Variants in LARP4B observed in about 807,000 individuals in gnomAD.
The protein encoded by LARP4B is la-related protein 4B.
In LARP4B, 12 loss-of-function variants were observed where a neutral mutation model predicts 89.8. The ratio of observed to expected loss-of-function variants is 0.13; its 90% CI spans 0.09 to 0.22. The LOEUF (loss-of-function observed/expected upper bound fraction) is 0.22, where lower values mean the gene tolerates loss of function less well. LARP4B is among the 10% of genes least tolerant of loss of function. The pLI is 1.00. For synonymous variants in LARP4B, 367 were observed against 363.3 expected, an observed-to-expected ratio of 1.01 and a Z score of -0.12; for missense variants, 757 against 947.7, an observed-to-expected ratio of 0.80 and a Z score of 2.64.
the LARP4B span, among the ~76,000 whole-genome samples, chr10:978,064 T>G: frequency 4.6e-5 from 7 of 152,190 alleles, no homozygotes; most frequent in African/African-American, 1.7e-4. Flanking sequence ...AGGCCACACA[T>G]TCAGGAGCCA....
chr10:962,147 T>C, the LARP4B span, among the ~76,000 whole-genome samples: 1 of 151,618 alleles, frequency 6.6e-6, no homozygotes, highest in African/African-American at 2.4e-5. Flanking sequence ...ACAAAAAAAA[T>C]TAGCCAGGTG....
At chr10:880,589 G>GCCAA (rs1344841484) in intron 3 of LARP4B, among the ~76,000 whole-genome samples, 1 of 152,146 alleles carries the variant, frequency 6.6e-6, no homozygotes, top group Non-Finnish European at 1.5e-5. Context: ...AGAAGGCTGA[G>GCCAA]GCACAAGAAT....
rs1832781467 is a variant in LARP4B, at chr10:829,367, A to G, written c.1125+18T>C. ...CATAGTGTCTACAACATAAATTCCTAGTAAAGAAATGACGTACCAAGGGTG... is the reference window on the plus strand; with the variant it reads ...CATAGTGTCTACAACATAAATTCCTGGTAAAGAAATGACGTACCAAGGGTG... On this transcript the variant is annotated intron_variant, in intron 11 of 17. Transcript: ENST00000316157. 6.4e-7 allele frequency: 1 copy of G among 1,561,734 alleles called. No individual in the cohort carries two copies. The highest frequency in any genetic ancestry group is 8.7e-7 in the Non-Finnish European group (1 of 1,152,240).
chr10:983,234 C>G, the LARP4B span, among the ~76,000 whole-genome samples: 1 of 152,214 alleles, frequency 6.6e-6, no homozygotes, highest in African/African-American at 2.4e-5. Context: ...AACTCACTGT[C>G]CAGAAATAGG....
At chr10:931,297 C>G (rs1830597765) in intron 1 of LARP4B, 131 bp downstream of exon 1, 1 of 152,574 alleles carries the variant, frequency 6.6e-6, no homozygotes. Flanking sequence ...CCGGCCCCGG[C>G]CCCGGCCCAG....
chr10:920,278 G>A (rs1836944046), intron 1 of LARP4B, among the ~76,000 whole-genome samples: 1 of 152,100 alleles, frequency 6.6e-6, no homozygotes, highest in Non-Finnish European at 1.5e-5. Context: ...TTTACCTCAT[G>A]GGCTTCAGTT....
upstream of LARP4B, among the ~76,000 whole-genome samples, chr10:931,880 C>T (rs1830631238): frequency 6.6e-6 from 1 of 151,314 alleles, no homozygotes; most frequent in African/African-American, 2.4e-5. Flanking sequence ...GCCCCGCCGC[C>T]TTCTTGGCCT....
At chr10:845,119 T>A in intron 5 of LARP4B, 64 bp from the exon 6 acceptor site, 1 of 1,192,196 alleles carries the variant, frequency 8.4e-7, no homozygotes, top group Non-Finnish European at 1.2e-6. Flanking sequence ...GATAATTCAG[T>A]ACAGCAGTTC....
At chr10:976,951 G>A in the LARP4B span, among the ~76,000 whole-genome samples, 1 of 152,118 alleles carries the variant, frequency 6.6e-6, no homozygotes, top group African/African-American at 2.4e-5. Context: ...TAGAAGGTAG[G>A]CCTGTTGTGT....
Position 883,395 on chromosome 10 carries a change from C to T in LARP4B, c.141+1052G>A, listed in dbSNP as rs1450435567. 2.0e-5 allele frequency among the ~76,000 whole-genome samples: 3 copies of T among 152,140 alleles called. No individual in the cohort carries two copies. The East Asian group carries it at 5.8e-4, about 29-fold the overall frequency. ...GTGTGATGGCGCATGCCTGTAATCC[C>T]AGCTACTCGGGAGGCTGAGGCAGGA... On this transcript the variant is annotated intron_variant, in intron 3 of 17. Coordinates refer to ENST00000316157, the MANE Select transcript of LARP4B (RefSeq NM_015155.3).
the LARP4B span, among the ~76,000 whole-genome samples, chr10:975,825 G>A: frequency 1.2e-3 from 186 of 149,496 alleles, no homozygotes; most frequent in Non-Finnish European, 2.2e-3. Context: ...TAAGCCTCTC[G>A]CGCAACGTGT....
chr10:846,600 G>C (rs552694297), intron 5 of LARP4B, among the ~76,000 whole-genome samples: 2 of 152,346 alleles, frequency 1.3e-5, no homozygotes, highest in African/African-American at 4.8e-5. Context: ...AGGCCGGTGT[G>C]TGTGAGTGAG....
intron 7 of LARP4B, among the ~76,000 whole-genome samples, chr10:840,453 T>C (rs1833469014): frequency 6.6e-6 from 1 of 152,154 alleles, no homozygotes; most frequent in South Asian, 2.1e-4. Flanking sequence ...TTGCACAAAT[T>C]TGGAAATACG....
At chr10:886,346 GCA>G (rs1835857219) in intron 1 of LARP4B, among the ~76,000 whole-genome samples, 2 of 152,190 alleles carry the variant, frequency 1.3e-5, no homozygotes, top group African/African-American at 4.8e-5. Context: ...CAGAACCTTT[GCA>G]CACTGTTGGT....
chr10:941,179 C>A, the LARP4B span, among the ~76,000 whole-genome samples: 3 of 152,336 alleles, frequency 2.0e-5, no homozygotes, highest in African/African-American at 7.2e-5. Flanking sequence ...CCTGTGGGTG[C>A]TGGGGACTCA....
At chr10:911,043 A>G (rs1836651590) in intron 1 of LARP4B, among the ~76,000 whole-genome samples, 1 of 152,220 alleles carries the variant, frequency 6.6e-6, no homozygotes, top group Non-Finnish European at 1.5e-5. Flanking sequence ...CAATCTGAGC[A>G]GTCTTTGTGG....
chr10:847,399 G>C (rs1199572198), intron 5 of LARP4B, among the ~76,000 whole-genome samples: 1 of 151,980 alleles, frequency 6.6e-6, no homozygotes, highest in Non-Finnish European at 1.5e-5. Context: ...GAGTCACAGG[G>C]GCTAGGTTAA....
At chr10:909,048 A>C (rs1836582348) in intron 1 of LARP4B, among the ~76,000 whole-genome samples, 1 of 152,122 alleles carries the variant, frequency 6.6e-6, no homozygotes, top group Non-Finnish European at 1.5e-5. Context: ...TAATCCCAGC[A>C]CTTTGGGAGG....
chr10:861,480 G>A (rs988293388), intron 5 of LARP4B, among the ~76,000 whole-genome samples: 4 of 151,766 alleles, frequency 2.6e-5, no homozygotes, highest in Non-Finnish European at 5.9e-5. Flanking sequence ...GGAAGACAAA[G>A]CAGAAGGTAT....
Sources: allele counts gnomAD v4.1 joint callset (sites outside exome capture counted in the v4.1 genomes callset), GRCh38; gene constraint gnomAD v4.1.1; transcripts MANE v1.5; gene names NCBI Gene and HGNC (gene_info 2026-07-23, HGNC 2026-07-21).